The following DROSHA variants were observed in gnomAD, a reference collection of about 807,000 sequenced individuals.
The protein encoded by DROSHA is drosha ribonuclease III, also known as ribonuclease 3.
In DROSHA, 56 loss-of-function variants were observed where a neutral mutation model predicts 181.9. The observed-to-expected ratio is 0.31, with a 90% CI of 0.25 to 0.38. DROSHA has a LOEUF of 0.38. Among genes scored for constraint, DROSHA ranks in the 10% least tolerant of loss-of-function variants. The pLI, the probability that DROSHA is intolerant of heterozygous loss-of-function variation, is 1.00. For synonymous variants in DROSHA, 524 were observed against 591.2 expected (o/e 0.89, Z 1.65); for missense variants, 1,218 against 1,743.5 (o/e 0.70, Z 5.37).
intron 20 of DROSHA, among the ~76,000 whole-genome samples, chr5:31,457,493 C>A (rs80346769): frequency 0.013 from 1,984 of 151,952 alleles, 51 homozygotes; most frequent in African/African-American, 0.046. Flanking sequence ...ATACAAGCAA[C>A]AGAGATAGAA....
intron 11 of DROSHA, among the ~76,000 whole-genome samples, chr5:31,499,766 T>C (rs1234347802): frequency 1.3e-5 from 2 of 152,176 alleles, no homozygotes; most frequent in Non-Finnish European, 2.9e-5. Flanking sequence ...AATCTGCCTT[T>C]CTAACAAGTT....
At chr5:31,436,825 G>T (rs547516358) in intron 24 of DROSHA, among the ~76,000 whole-genome samples, 1 of 150,346 alleles carries the variant, frequency 6.7e-6, no homozygotes, top group Non-Finnish European at 1.5e-5. Context: ...AAAATTACTT[G>T]TAAGCTTTAC....
intron 16 of DROSHA, among the ~76,000 whole-genome samples, chr5:31,473,087 G>A (rs545357443): frequency 6.7e-6 from 1 of 149,724 alleles, no homozygotes; most frequent in South Asian, 2.1e-4. Flanking sequence ...GAGCCCTGAA[G>A]AGGACAATCA....
Position 31,431,669 on chromosome 5 carries a change from G to T in DROSHA, c.3052C>A (p.Leu1018Met), listed in dbSNP as rs374967751. The T allele has an allele frequency of 6.2e-7, 1 of 1,613,764 alleles. No individual in the cohort carries two copies. The highest frequency in any genetic ancestry group is 1.7e-5 in the Admixed American group (1 of 59,966). ...HLAMLAKKLE[L>M]DRFMLYAHGP... ...TGAGCATACAGCATAAATCGATCCA[G>T]TTCAAGTTTCTACAAAATTCACAAT... Residue 1018 changes from leucine (L) to methionine (M), a missense_variant, in exon 26 of 36, where the codon CTG (leucine) becomes ATG (methionine). By Grantham distance (15) the Leu-to-Met change is conservative (BLOSUM62 2). Coordinates refer to ENST00000344624, the MANE Select transcript of DROSHA (RefSeq NM_001382508.1).
chr5:31,426,102 G>A (rs79344704), intron 27 of DROSHA, among the ~76,000 whole-genome samples: 1 of 151,972 alleles, frequency 6.6e-6, no homozygotes, highest in African/African-American at 2.4e-5. Flanking sequence ...ACAAGACTGT[G>A]ATTCCTCCTT....
chr5:31,516,579 AT>A (rs1334965038), intron 6 of DROSHA, among the ~76,000 whole-genome samples: 2 of 152,220 alleles, frequency 1.3e-5, no homozygotes, highest in Non-Finnish European at 2.9e-5. Context: ...ACTTCCAGAC[AT>A]TACAATACGC....
chr5:31,499,374 AAT>A (rs1454153118), intron 11 of DROSHA, among the ~76,000 whole-genome samples: 1 of 152,196 alleles, frequency 6.6e-6, no homozygotes, highest in Non-Finnish European at 1.5e-5. Context: ...GGAGTGACCC[AAT>A]AAAACAGCAA....
chr5:31,495,256 T>C, intron 12 of DROSHA, 30 bp downstream of exon 12: 1 of 1,594,120 alleles, frequency 6.3e-7, no homozygotes, highest in Non-Finnish European at 8.6e-7. Context: ...ACATTTTAAA[T>C]GATATGCATG....
Position 31,526,801 on chromosome 5 carries a change from A to T in DROSHA, c.132T>A (p.Pro44=), listed in dbSNP as rs750465164. 1.9e-6 allele frequency: 3 copies of T among 1,611,152 alleles called. No homozygotes were observed. The African/African-American group carries it at 4.0e-5, about 22-fold the overall frequency. The part of the protein sequence containing the change: ...FRPQNLRLLH[P]QQPPVQYQYE... Reference sequence around the variant, plus strand: ...ATTGATATTGCACAGGAGGCTGCTGAGGGTGAAGCAGCCTCAGATTTTGGG... The same window carrying T: ...ATTGATATTGCACAGGAGGCTGCTGTGGGTGAAGCAGCCTCAGATTTTGGG... The change falls in exon 5 of 36, where the codon CCT becomes CCA. Residue 44 remains proline, a synonymous_variant. Coordinates refer to ENST00000344624, the MANE Select transcript of DROSHA (RefSeq NM_001382508.1).
intron 23 of DROSHA, among the ~76,000 whole-genome samples, chr5:31,445,695 A>C (rs1746163429): frequency 6.6e-6 from 1 of 152,212 alleles, no homozygotes; most frequent in Non-Finnish European, 1.5e-5. Context: ...GATTATGTTA[A>C]TAGCTACAGA....
chr5:31,408,859 G>A (rs923380385), intron 33 of DROSHA, 197 bp downstream of exon 33: 13 of 520,288 alleles, frequency 2.5e-5, no homozygotes, highest in Non-Finnish European at 4.1e-5. Flanking sequence ...AATGGAGTGG[G>A]ACCCACTTAT....
At position 31,448,610 on chromosome 5, in the gene DROSHA, A is replaced by G. The variant is rs991668819; in HGVS notation, c.2822-3T>C. On this transcript the variant is annotated splice_polypyrimidine_tract_variant and splice_region_variant and intron_variant, in intron 22 of 35. Coordinates refer to ENST00000344624, the MANE Select transcript of DROSHA (RefSeq NM_001382508.1). ...GATATTTATCAAGGTGTTAATCCCTATTTAAAATAAAAAACAAATACACAA... is the reference window on the plus strand; with the variant it reads ...GATATTTATCAAGGTGTTAATCCCTGTTTAAAATAAAAAACAAATACACAA... 3.1e-6 allele frequency: 5 copies of G among 1,611,880 alleles called. No homozygotes were observed. Among genetic ancestry groups the G allele is most frequent in the Non-Finnish European group, 4.2e-6 (5 of 1,178,416 alleles).
chr5:31,485,041 G>A, intron 14 of DROSHA, 79 bp from the exon 15 acceptor site: 1 of 1,037,836 alleles, frequency 9.6e-7, no homozygotes, highest in Non-Finnish European at 1.4e-6. Flanking sequence ...TTCTTGTCAA[G>A]TGTCTTTAAA....
chr5:31,483,464 G>C, intron 16 of DROSHA, 90 bp downstream of exon 16: 1 of 1,285,868 alleles, frequency 7.8e-7, no homozygotes, highest in South Asian at 1.3e-5. Context: ...TCGAAGGTGG[G>C]AAAGTTGTCC....
intron 9 of DROSHA, among the ~76,000 whole-genome samples, chr5:31,509,002 T>C (rs1052886642): frequency 6.6e-6 from 1 of 152,066 alleles, no homozygotes; most frequent in Non-Finnish European, 1.5e-5. Flanking sequence ...TTTGTGTTTT[T>C]AGTAGAGACA....
At chr5:31,464,817 C>T (rs1383857079) in intron 19 of DROSHA, among the ~76,000 whole-genome samples, 4 of 152,054 alleles carry the variant, frequency 2.6e-5, no homozygotes, top group Admixed American at 6.6e-5. Context: ...TAAAAAAAGA[C>T]TATGATCCAA....
chr5:31,514,228 A>AACAC lies in DROSHA; in HGVS notation c.1290+756_1290+759dup, dbSNP rs68049196. Among the ~76,000 whole-genome samples the AACAC allele has an allele frequency of 3.0e-4, 45 of 148,418 alleles. No homozygotes were observed. The highest frequency in any genetic ancestry group is 1.1e-3 in the African/African-American group (44 of 40,118). Reference sequence around the variant, plus strand: ...CTTCCTTATTTTTCATTTTGGAGAAAACACACACACACACACACACACACA... The same window carrying AACAC: ...CTTCCTTATTTTTCATTTTGGAGAAAACACACACACACACACACACACACACACA... On this transcript the variant is annotated intron_variant, in intron 8 of 35. Coordinates refer to ENST00000344624, the MANE Select transcript of DROSHA (RefSeq NM_001382508.1). The surrounding 1 kb of genome is among the most constrained non-coding windows in gnomAD (Gnocchi z 4.4).
chr5:31,476,994 A>G lies in DROSHA; in HGVS notation c.2072-4762T>C, dbSNP rs920955605. ...CACTGAGGGCTAGGAAGTAATTTTT[A>G]TCTTGTTGGCTGAAATAAATAGGAC... On this transcript the variant is annotated intron_variant, in intron 16 of 35. Coordinates refer to ENST00000344624, the MANE Select transcript of DROSHA (RefSeq NM_001382508.1). Among the ~76,000 whole-genome samples, 5 of 152,304 alleles carry G rather than the reference A, an allele frequency of 3.3e-5. No homozygotes were observed. The South Asian group carries it at 1.0e-3, about 32-fold the overall frequency.
chr5:31,424,705 T>C (rs1273206428), intron 27 of DROSHA, among the ~76,000 whole-genome samples: 1 of 152,160 alleles, frequency 6.6e-6, no homozygotes, highest in African/African-American at 2.4e-5. Flanking sequence ...CCTCCTCTAG[T>C]CCCAGAAGTC....
Sources: allele counts gnomAD v4.1 joint callset (sites outside exome capture counted in the v4.1 genomes callset), GRCh38; gene constraint gnomAD v4.1.1; non-coding constraint Gnocchi (gnomAD v3.1); transcripts MANE v1.5; gene names NCBI Gene and HGNC (gene_info 2026-07-23, HGNC 2026-07-21).